The following UNC13A variants were observed in gnomAD, a reference collection of about 807,000 sequenced individuals.
UNC13A encodes unc-13 homolog A, also known as protein unc-13 homolog A.
Under a neutral mutation model 219.7 loss-of-function variants are expected in UNC13A, and 61 were observed. That is an observed-to-expected ratio of 0.28 (90% CI 0.23 to 0.34). The LOEUF (loss-of-function observed/expected upper bound fraction) is 0.34, where lower values mean the gene tolerates loss of function less well. Among genes scored for constraint, UNC13A ranks in the 10% least tolerant of loss-of-function variants. The pLI is 1.00. For missense variants in UNC13A, 1,476 were observed against 2,270.3 expected, an observed-to-expected ratio of 0.65 and a Z score of 7.11; for synonymous variants, 920 against 884.6, an observed-to-expected ratio of 1.04 and a Z score of -0.71.
chr19:17,655,872 C>G lies in UNC13A; in HGVS notation c.1283+11G>C. Reference sequence around the variant, plus strand: ...GGCAGCCCCTCTGGCCCCTTGGCCCCGTCCTGTTACCTCTCCTCGTCCTTG... The same window carrying G: ...GGCAGCCCCTCTGGCCCCTTGGCCCGGTCCTGTTACCTCTCCTCGTCCTTG... On this transcript the variant is annotated intron_variant, in intron 10 of 43. Coordinates refer to ENST00000519716, the MANE Select transcript of UNC13A (RefSeq NM_001080421.3). The G allele has an allele frequency of 6.6e-7, 1 of 1,511,770 alleles. No individual in the cohort carries two copies. The highest frequency in any genetic ancestry group is 1.4e-5 in the South Asian group (1 of 73,974). The allele number at this position is 1,511,770 out of a possible 1,614,324, so 93.6% of individuals were successfully genotyped here.
At chr19:17,645,413 C>T (rs1242027250) in intron 19 of UNC13A, among the ~76,000 whole-genome samples, 1 of 152,142 alleles carries the variant, frequency 6.6e-6, no homozygotes, top group Non-Finnish European at 1.5e-5. Flanking sequence ...TTGCCTCCCC[C>T]ATTAGACTAG....
intron 42 of UNC13A, among the ~76,000 whole-genome samples, chr19:17,610,720 C>G (rs1034981350): frequency 6.6e-6 from 1 of 152,018 alleles, no homozygotes; most frequent in Non-Finnish European, 1.5e-5. Context: ...TCTTTGTGAC[C>G]CTATAGTGGA....
At chr19:17,640,830 C>T (rs2076960487) in intron 21 of UNC13A, among the ~76,000 whole-genome samples, 169 bp from the exon 22 acceptor site, 1 of 151,832 alleles carries the variant, frequency 6.6e-6, no homozygotes, top group Non-Finnish European at 1.5e-5. Context: ...TCCCCTCCAT[C>T]TTTATATCCA....
Position 17,673,388 on chromosome 19 carries a change from G to GAT in UNC13A, c.153-895_153-894dup, listed in dbSNP as rs548633845. Among the ~76,000 whole-genome samples the GAT allele has an allele frequency of 3.1e-4, 44 of 141,616 alleles. No individual in the cohort carries two copies. The South Asian group carries it at 9.2e-3, about 30-fold the overall frequency. The allele number at this position is 141,616 out of a possible 152,430, so 92.9% of individuals were successfully genotyped here. ...AAAAAAAAAAAGTATATATATATCT[G>GAT]ATATATATATCTGTTGGCTGGGATT... On this transcript the variant is annotated intron_variant, in intron 3 of 43. Transcript: ENST00000519716.
chr19:17,641,271 C>T (rs998063112), intron 21 of UNC13A, 122 bp downstream of exon 21: 1 of 1,265,318 alleles, frequency 7.9e-7, no homozygotes, highest in Middle Eastern at 2.2e-4. Flanking sequence ...TTACGGAACC[C>T]ACCACCACCA....
rs959853576 is a variant in UNC13A, at chr19:17,656,840, G to A, written c.768-442C>T. On this transcript the variant is annotated intron_variant, in intron 9 of 43. Transcript: ENST00000519716. ...GCACTCCAGCCTGGGCAACAAGAGC[G>A]AAATTCCGTCTCAAAAAAAAAAAAA... Among the ~76,000 whole-genome samples, 9 of 112,918 alleles carry A rather than the reference G, an allele frequency of 8.0e-5. No individual in the cohort carries two copies. In the Admixed American group the frequency reaches 9.2e-4, roughly 12 times the overall value. 74.1% of individuals were successfully genotyped at this position (112,918 alleles called of 152,430 possible). A position where few individuals can be genotyped will look rare whatever the true frequency, so the allele number is the denominator to read the frequency against.
chr19:17,627,433 G>A lies in UNC13A; in HGVS notation c.3920+76C>T, dbSNP rs1012425086. On this transcript the variant is annotated intron_variant, in intron 33 of 43. Transcript: ENST00000519716. The surrounding 1 kb of genome is among the most constrained non-coding windows in gnomAD (Gnocchi z 4.7). The stretch of plus-strand genomic sequence containing the variant: ...CAATCTTCACCTCTACATCTGCTGA[G>A]CCTCCAGATGCCCCAGGCTTAGAGG... The A allele has an allele frequency of 5.2e-6, 6 of 1,142,864 alleles. No individual in the cohort carries two copies. Among genetic ancestry groups the A allele is most frequent in the Non-Finnish European group, 3.8e-6 (3 of 781,964 alleles). 70.8% of individuals were successfully genotyped at this position (1,142,864 alleles called of 1,614,324 possible).
intron 2 of UNC13A, 46 bp downstream of exon 2, chr19:17,675,966 A>G (rs1299734285): frequency 1.9e-6 from 3 of 1,549,866 alleles, no homozygotes; most frequent in East Asian, 4.9e-5. Flanking sequence ...AGAGACAGAC[A>G]GACAGACAGA....
At chr19:17,657,924 T>A in intron 9 of UNC13A, 138 bp downstream of exon 9, 1 of 789,804 alleles carries the variant, frequency 1.3e-6, no homozygotes, top group African/African-American at 1.8e-5. Flanking sequence ...CACAAGAAAA[T>A]GTGAATTCTG....
At chr19:17,634,862 TTTTTG>T (rs1369567245) in intron 26 of UNC13A, among the ~76,000 whole-genome samples, 5 of 151,706 alleles carry the variant, frequency 3.3e-5, no homozygotes, top group Non-Finnish European at 7.4e-5. Context: ...GCCCGGTTAA[TTTTTG>T]TTTTGTTTTT....
chr19:17,686,552 G>T (rs942593408), intron 1 of UNC13A, among the ~76,000 whole-genome samples: 4 of 151,888 alleles, frequency 2.6e-5, no homozygotes, highest in Admixed American at 2.0e-4. Flanking sequence ...AGGCGGTGGG[G>T]GTCGCCTAGG....
rs370507817 is a variant in UNC13A at position 17,631,184 on chromosome 19, T to TTCCTTCC, written c.3429-441_3429-435dup. On this transcript the variant is annotated intron_variant, in intron 28 of 43. Transcript: ENST00000519716. ...CTCCCTCCCTCCCTCCCTCCTTTCC[T>TTCCTTCC]TCCTTCCCTCCCTCCCTCCCTTCCT... Among the ~76,000 whole-genome samples the TTCCTTCC allele has an allele frequency of 7.8e-5, 2 of 25,494 alleles. 1 individual carries two copies. Among genetic ancestry groups the TTCCTTCC allele is most frequent in the African/African-American group, 3.4e-4 (2 of 5,830 alleles). The allele number at this position is 25,494 out of a possible 152,430, so 16.7% of individuals were successfully genotyped here.
chr19:17,624,789 G>A (rs942281507), intron 35 of UNC13A, 40 bp downstream of exon 35: 6 of 1,588,030 alleles, frequency 3.8e-6, no homozygotes, highest in Non-Finnish European at 5.1e-6. Flanking sequence ...TCGCCAGGGA[G>A]GTGGCCTAAA....
At chr19:17,663,456 G>A (rs1033901199) in intron 8 of UNC13A, 76 bp downstream of exon 8, 10 of 1,534,830 alleles carry the variant, frequency 6.5e-6, no homozygotes, top group African/African-American at 4.1e-5. Flanking sequence ...TGTGGTAGTG[G>A]GGAGGGGCCT....
chr19:17,677,970 G>A (rs902541081), intron 1 of UNC13A, among the ~76,000 whole-genome samples: 2 of 152,156 alleles, frequency 1.3e-5, no homozygotes, highest in African/African-American at 2.4e-5. Flanking sequence ...TTTTCAGTAT[G>A]TCTTGAAGAG....
chr19:17,655,445 C>A, intron 10 of UNC13A, 63 bp from the exon 11 acceptor site: 6 of 1,317,662 alleles, frequency 4.6e-6, no homozygotes, highest in Non-Finnish European at 6.3e-6. Context: ...CTTCCCTTGA[C>A]CCTCCAGCTG....
intron 41 of UNC13A, chr19:17,616,510 G>A: frequency 1.5e-6 from 1 of 664,000 alleles, no homozygotes. Context: ...GGGAAGCATG[G>A]GGAGCGGGGA....
intron 39 of UNC13A, 143 bp from the exon 40 acceptor site, chr19:17,618,644 G>T: frequency 2.3e-6 from 2 of 855,886 alleles, no homozygotes; most frequent in Non-Finnish European, 1.8e-6. Context: ...ATATGTGACT[G>T]GTACACAGCA....
chr19:17,653,920 G>C (rs145743435), intron 11 of UNC13A, among the ~76,000 whole-genome samples: 1 of 149,250 alleles, frequency 6.7e-6, no homozygotes, highest in Non-Finnish European at 1.5e-5. Flanking sequence ...TCCGCTTCCC[G>C]GGTTCACGCC....
Sources: gnomAD v4.1 joint callset for allele counts (sites outside exome capture counted in the v4.1 genomes callset) on GRCh38, gnomAD v4.1.1 for gene constraint, Gnocchi (gnomAD v3.1) non-coding constraint, MANE v1.5 for transcripts, NCBI Gene and HGNC (gene_info 2026-07-23, HGNC 2026-07-21) for gene names.